Variants in MAP3K9 observed in about 807,000 individuals in gnomAD.
MAP3K9 encodes mixed lineage kinase 1 (tyr and ser/thr specificity).
A neutral mutation model predicts 95.8 loss-of-function variants in MAP3K9; 46 were observed. The observed-to-expected ratio is 0.48, with a 90% CI of 0.38 to 0.61. The LOEUF is 0.61. Ranked by LOEUF, MAP3K9 falls within the 20% of genes least tolerant of loss-of-function variation. The probability of loss-of-function intolerance (pLI) is 0.00; values close to 1 mark genes in which losing one functional copy is unlikely to be tolerated. For missense variants in MAP3K9, 1,296 were observed against 1,474.3 expected (o/e 0.88, Z 1.98); for synonymous variants, 533 against 593.8 (o/e 0.90, Z 1.49).
chr14:70,764,232 GCAGGTTCTT>G (rs1220211092), intron 2 of MAP3K9, among the ~76,000 whole-genome samples: 1 of 146,264 alleles, frequency 6.8e-6, no homozygotes, highest in Admixed American at 6.9e-5. Flanking sequence ...ACGGCATCAG[GCAGGTTCTT>G]CAGGAAGTAT....
In MAP3K9 at chr14:70,808,819, G is replaced by A. The variant is rs775078243; in HGVS notation, c.353C>T (p.Ser118Phe). The A allele has an allele frequency of 7.0e-5, 112 of 1,597,394 alleles. No individual in the cohort carries two copies. Among genetic ancestry groups the A allele is most frequent in the Non-Finnish European group, 6.6e-5 (77 of 1,174,708 alleles). The change falls in exon 1 of 12, where the codon TCC becomes TTC. Residue 118 changes from serine (S) to phenylalanine (F), a missense_variant. Ser to Phe is a radical substitution (Grantham distance 155). Transcript: ENST00000554752. ...SNYVTPRSAF[S>F]SRCQPGGEDP... Reference sequence around the variant, plus strand: ...CTCGCCGCCGGGCTGGCAGCGGCTGGAGAAGGCGCTGCGCGGGGTCACGTA... The same window carrying A: ...CTCGCCGCCGGGCTGGCAGCGGCTGAAGAAGGCGCTGCGCGGGGTCACGTA...
In MAP3K9 at chr14:70,735,007, C is replaced by A. The variant is rs183385178; in HGVS notation, c.1914-509G>T. 4.4e-3 allele frequency among the ~76,000 whole-genome samples: 678 copies of A among 152,362 alleles called. 8 individuals carry two copies. Among genetic ancestry groups the A allele is most frequent in the African/African-American group, 0.016 (651 of 41,566 alleles). The stretch of plus-strand genomic sequence containing the variant: ...CAAGCTTTATGGCATGCTTAGGCAA[C>A]TTTCAAAGCCATCCCCTTTTTAAAA... On this transcript the variant is annotated intron_variant, in intron 9 of 11. Transcript: ENST00000554752.
At chr14:70,739,415 C>A (rs1257534079) in intron 7 of MAP3K9, among the ~76,000 whole-genome samples, 1 of 152,068 alleles carries the variant, frequency 6.6e-6, no homozygotes, top group Non-Finnish European at 1.5e-5. Context: ...CAGGCATAAG[C>A]CACCATGCCC....
Position 70,771,365 on chromosome 14 carries a change from G to T in MAP3K9, c.821-10183C>A, listed in dbSNP as rs953268106. ...AAAGGCTTCCGGCTTTCCATCACTTGGTTCTTCCATCTCTCCTGATATGCA... is the reference window on the plus strand; with the variant it reads ...AAAGGCTTCCGGCTTTCCATCACTTTGTTCTTCCATCTCTCCTGATATGCA... On this transcript the variant is annotated intron_variant, in intron 2 of 11. Coordinates refer to ENST00000554752, the MANE Select transcript of MAP3K9 (RefSeq NM_001284230.2). Among the ~76,000 whole-genome samples the T allele has an allele frequency of 1.6e-4, 25 of 152,074 alleles. 1 individual carries two copies. Among genetic ancestry groups the T allele is most frequent in the Admixed American group, 1.2e-3 (18 of 15,260 alleles).
chr14:70,792,807 G>A lies in MAP3K9; in HGVS notation c.820+7860C>T, dbSNP rs111930271. On this transcript the variant is annotated intron_variant, in intron 2 of 11. Coordinates refer to ENST00000554752, the MANE Select transcript of MAP3K9 (RefSeq NM_001284230.2). Reference sequence around the variant, plus strand: ...GAAAACCAGTCAGGAGCTTTGGCTAGTGTGTGGTCCAGGTATACTCCAGGG... The same window carrying A: ...GAAAACCAGTCAGGAGCTTTGGCTAATGTGTGGTCCAGGTATACTCCAGGG... Among the ~76,000 whole-genome samples the A allele has an allele frequency of 4.1e-3, 621 of 152,332 alleles. 2 individuals carry two copies. The highest frequency in any genetic ancestry group is 6.8e-3 in the Middle Eastern group (2 of 294).
At position 70,725,327 on chromosome 14, in the gene MAP3K9, G is replaced by A. The variant is rs955017115; in HGVS notation, c.*5053C>T. On this transcript the variant is annotated 3_prime_UTR_variant, in exon 12 of 12. Transcript: ENST00000554752. ...CAAGACGGGAAATGGATGAGGAAGC[G>A]GGTGGACATGACTGTCAATATCTCA... 6.6e-6 allele frequency: 1 copy of A among 152,264 alleles called. No individual in the cohort carries two copies. The highest frequency in any genetic ancestry group is 1.5e-5 in the Non-Finnish European group (1 of 68,084). The allele number at this position is 152,264 out of a possible 1,614,324, so 9.4% of individuals were successfully genotyped here. A position where few individuals can be genotyped will look rare whatever the true frequency, so the allele number is the denominator to read the frequency against.
chr14:70,790,689 A>G (rs12437037), intron 2 of MAP3K9, among the ~76,000 whole-genome samples: 71,253 of 152,050 alleles, frequency 0.47, 16,940 homozygotes, highest in South Asian at 0.59. Flanking sequence ...CCCTGGCCCT[A>G]TGTTAATCTT....
rs978875852 is a variant in MAP3K9 at position 70,738,517 on chromosome 14, T to C, written c.1691-119A>G. ...GGAGCTGCAGGGAAGTTAGACCTTATCAAAAACTCTGTGCCCAAGTGGACC... is the reference window on the plus strand; with the variant it reads ...GGAGCTGCAGGGAAGTTAGACCTTACCAAAAACTCTGTGCCCAAGTGGACC... On this transcript the variant is annotated intron_variant, in intron 7 of 11. Transcript: ENST00000554752. The C allele has an allele frequency of 5.8e-6, 5 of 863,082 alleles. No homozygotes were observed. In the African/African-American group the frequency reaches 8.6e-5, roughly 15 times the overall value. 53.5% of individuals were successfully genotyped at this position (863,082 alleles called of 1,614,324 possible).
At chr14:70,755,869 T>C (rs940106990) in intron 3 of MAP3K9, among the ~76,000 whole-genome samples, 4 of 152,208 alleles carry the variant, frequency 2.6e-5, no homozygotes, top group African/African-American at 9.6e-5. Context: ...AAGTCTAGAC[T>C]AGAGCAACTA....
At position 70,732,853 on chromosome 14, in the gene MAP3K9, G is replaced by A; in HGVS notation, c.2516C>T (p.Ser839Phe). ...GCGTGTGGAGTTGCACTCGGAGATG[G>A]AGGAGAGGGAGAGCAGCGTCAGGGA... ...SASLTLLSLS[S>F]ISECNSTRSL... Residue 839 changes from serine (S) to phenylalanine (F), a missense_variant, in exon 11 of 12, where the codon TCC becomes TTC. Transcript: ENST00000554752. The A allele has an allele frequency of 1.2e-6, 2 of 1,613,934 alleles. No homozygotes were observed. Among genetic ancestry groups the A allele is most frequent in the Non-Finnish European group, 1.7e-6 (2 of 1,179,876 alleles).
intron 1 of MAP3K9, among the ~76,000 whole-genome samples, chr14:70,805,742 G>C (rs763914185): frequency 6.6e-6 from 1 of 152,062 alleles, no homozygotes; most frequent in Non-Finnish European, 1.5e-5. Flanking sequence ...AACAAAGCAA[G>C]ACCTCACCTC....
In MAP3K9 at chr14:70,742,522, G is replaced by T; in HGVS notation, c.1396C>A (p.Arg466=). ...TCGGCCAGCTCCTGCTCCCGACGCCGCAGCAGTTCCTCCTGGTTCTTCTGC... is the reference window on the plus strand; with the variant it reads ...TCGGCCAGCTCCTGCTCCCGACGCCTCAGCAGTTCCTCCTGGTTCTTCTGC... ...LQQKNQEELL[R]RREQELAERE... The change falls in exon 6 of 12, where the codon CGG becomes AGG. Residue 466 remains arginine, a synonymous_variant. Transcript: ENST00000554752. 1 of 1,614,166 alleles carries T rather than the reference G, an allele frequency of 6.2e-7. No individual in the cohort carries two copies.
intron 2 of MAP3K9, among the ~76,000 whole-genome samples, chr14:70,778,348 C>T (rs8022333): frequency 0.3 from 44,861 of 150,270 alleles, 6,955 homozygotes; most frequent in Admixed American, 0.34. Context: ...GCGATCTCTG[C>T]TCACTGCAAC....
intron 1 of MAP3K9, among the ~76,000 whole-genome samples, chr14:70,801,588 G>C (rs534560815): frequency 6.6e-6 from 1 of 152,162 alleles, no homozygotes; most frequent in South Asian, 2.1e-4. Context: ...GCTTTACTGT[G>C]TACTCAGTGG....
rs1037422484 is a variant in MAP3K9 at position 70,727,286 on chromosome 14, T to G, written c.*3094A>C. On this transcript the variant is annotated 3_prime_UTR_variant, in exon 12 of 12. Transcript: ENST00000554752. ...CTCTCAGAAATAACATACAGATAAC[T>G]GAGGTATCTACTCAGCCTCCTGGCA... 9 of 152,036 alleles carry G rather than the reference T, an allele frequency of 5.9e-5. No individual in the cohort carries two copies. The highest frequency in any genetic ancestry group is 1.0e-4 in the Non-Finnish European group (7 of 68,016). The allele number at this position is 152,036 out of a possible 1,614,324, so 9.4% of individuals were successfully genotyped here.
chr14:70,745,261 A>G (rs2139741277), intron 5 of MAP3K9, among the ~76,000 whole-genome samples: 2 of 152,332 alleles, frequency 1.3e-5, no homozygotes, highest in South Asian at 4.1e-4. Flanking sequence ...TTAAAACAAA[A>G]TAGTGTAGAA....
At chr14:70,767,229 C>G (rs1255708913) in intron 2 of MAP3K9, among the ~76,000 whole-genome samples, 1 of 151,678 alleles carries the variant, frequency 6.6e-6, no homozygotes, top group Non-Finnish European at 1.5e-5. Context: ...ACTAAAAATA[C>G]AAAAATTAGC....
intron 2 of MAP3K9, among the ~76,000 whole-genome samples, chr14:70,783,818 C>A (rs2054712698): frequency 6.6e-6 from 1 of 152,242 alleles, no homozygotes; most frequent in Non-Finnish European, 1.5e-5. Flanking sequence ...CCAGACTACA[C>A]AGAGCTGAAA....
chr14:70,778,573 G>C (rs1458836885), intron 2 of MAP3K9, among the ~76,000 whole-genome samples: 1 of 152,092 alleles, frequency 6.6e-6, no homozygotes, highest in Non-Finnish European at 1.5e-5. Context: ...ACTGCACCAG[G>C]CCAAACTTCT....
Sources: gnomAD v4.1 joint callset for allele counts (sites outside exome capture counted in the v4.1 genomes callset) on GRCh38, gnomAD v4.1.1 for gene constraint, MANE v1.5 for transcripts, NCBI Gene and HGNC (gene_info 2026-07-23, HGNC 2026-07-21) for gene names.